Variants in MYO6 observed in about 807,000 individuals in gnomAD.
MYO6 encodes the protein unconventional myosin-VI.
A neutral mutation model predicts 178.7 loss-of-function variants in MYO6; 74 were observed. The observed-to-expected ratio is 0.41, with a 90% confidence interval of 0.34 to 0.50. The LOEUF is 0.50. MYO6 is among the 20% of genes least tolerant of loss of function. MYO6 has a pLI of 0.09. For synonymous variants in MYO6, 477 were observed against 504.6 expected (o/e 0.95, Z 0.73); for missense variants, 1,330 against 1,547.4 (o/e 0.86, Z 2.36).
At chr6:75,867,723 ACT>A (rs1487912299) in intron 18 of MYO6, among the ~76,000 whole-genome samples, 3 of 152,272 alleles carry the variant, frequency 2.0e-5, no homozygotes, top group African/African-American at 7.2e-5. Flanking sequence ...GGTGTGGCAA[ACT>A]CTTCAAACTG....
At chr6:75,757,063 CACAT>C (rs1179217160) in intron 1 of MYO6, among the ~76,000 whole-genome samples, 4 of 141,322 alleles carry the variant, frequency 2.8e-5, no homozygotes, top group East Asian at 2.1e-4. Flanking sequence ...TATGTATACA[CACAT>C]ATATAGTGTG....
At chr6:75,798,182 G>A (rs1448255528) in intron 1 of MYO6, among the ~76,000 whole-genome samples, 1 of 152,154 alleles carries the variant, frequency 6.6e-6, no homozygotes, top group Non-Finnish European at 1.5e-5. Context: ...TAGGGGTCCA[G>A]TTTCATTCTT....
intron 1 of MYO6, among the ~76,000 whole-genome samples, chr6:75,783,374 G>A (rs953458707): frequency 1.3e-5 from 2 of 152,088 alleles, no homozygotes; most frequent in Admixed American, 6.6e-5. Context: ...TCACTGAACC[G>A]GTAACCCAAC....
chr6:75,860,873 A>G lies in MYO6; in HGVS notation c.1474-150A>G, dbSNP rs543307093. ...AGTGCCTGTCTGCAAGTGTTCAAAA[A>G]TCTGTTATGTTTTTGGAAAACCATT... On this transcript the variant is annotated intron_variant, in intron 14 of 34. Coordinates refer to ENST00000369977, the MANE Select transcript of MYO6 (RefSeq NM_004999.4). 8.5e-5 allele frequency: 56 copies of G among 658,354 alleles called. 2 individuals carry two copies. The South Asian group carries it at 9.6e-4, about 11-fold the overall frequency. 40.8% of individuals were successfully genotyped at this position (658,354 alleles called of 1,614,324 possible).
chr6:75,868,529 T>G (rs990686590), intron 18 of MYO6, among the ~76,000 whole-genome samples: 1 of 152,116 alleles, frequency 6.6e-6, no homozygotes, highest in African/African-American at 2.4e-5. Context: ...ATGTTGAGCC[T>G]TGAAACTTCT....
chr6:75,910,719 T>C (rs1404372159), intron 32 of MYO6, among the ~76,000 whole-genome samples: 1 of 152,142 alleles, frequency 6.6e-6, no homozygotes, highest in African/African-American at 2.4e-5. Context: ...TTTCTCTTTA[T>C]GTTCTTCCTC....
chr6:75,820,155 A>G (rs940904267), intron 2 of MYO6, among the ~76,000 whole-genome samples: 22 of 152,332 alleles, frequency 1.4e-4, no homozygotes, highest in Middle Eastern at 3.4e-3. Flanking sequence ...AATTTATGGC[A>G]TAGAAGGGTC....
intron 9 of MYO6, 28 bp downstream of exon 9, chr6:75,841,406 T>C (rs1774212417): frequency 1.3e-5 from 21 of 1,605,298 alleles, no homozygotes; most frequent in African/African-American, 2.7e-5. Flanking sequence ...AAATTTCATA[T>C]AGCCAGGTGC....
At chr6:75,873,361 G>T (rs1367268885) in intron 20 of MYO6, 61 bp downstream of exon 20, 9 of 1,227,810 alleles carry the variant, frequency 7.3e-6, no homozygotes, top group Admixed American at 1.7e-5. Flanking sequence ...AATTTAATAG[G>T]TTCAGTATTT....
chr6:75,916,620 G>A lies in MYO6; in HGVS notation c.*1608G>A, dbSNP rs1408742662. On this transcript the variant is annotated 3_prime_UTR_variant, in exon 35 of 35. Coordinates refer to ENST00000369977, the MANE Select transcript of MYO6 (RefSeq NM_004999.4). ...ACCTATTCTCTCTCTTCCATCTCTC[G>A]CCTTTAACTGGTGTTTTTATTTGTG... The A allele has an allele frequency of 1.3e-5, 2 of 152,484 alleles. No homozygotes were observed. The highest frequency in any genetic ancestry group is 6.6e-5 in the Admixed American group (1 of 15,262). The allele number at this position is 152,484 out of a possible 1,614,324, so 9.4% of individuals were successfully genotyped here.
intron 2 of MYO6, 66 bp downstream of exon 2, chr6:75,817,730 G>A: frequency 7.4e-7 from 1 of 1,358,632 alleles, no homozygotes; most frequent in Non-Finnish European, 1.1e-6. Flanking sequence ...TTTCACAAGA[G>A]TAAGGTCTGT....
At chr6:75,786,934 C>T (rs997296295) in intron 1 of MYO6, among the ~76,000 whole-genome samples, 8 of 152,164 alleles carry the variant, frequency 5.3e-5, no homozygotes, top group Non-Finnish European at 8.8e-5. Context: ...AGACTGTTTT[C>T]GGAGTTCACA....
chr6:75,904,252 T>C (rs1233595591), intron 30 of MYO6, among the ~76,000 whole-genome samples: 33 of 150,300 alleles, frequency 2.2e-4, no homozygotes, highest in Non-Finnish European at 4.0e-4. Context: ...TTCTCTGTAT[T>C]TCCTGAATCT....
Position 75,916,217 on chromosome 6 carries a change from A to G in MYO6, c.*1205A>G, listed in dbSNP as rs1781109739. 6.6e-6 allele frequency: 1 copy of G among 152,180 alleles called. No individual in the cohort carries two copies. The highest frequency in any genetic ancestry group is 6.5e-5 in the Admixed American group (1 of 15,278). 9.4% of individuals were successfully genotyped at this position (152,180 alleles called of 1,614,324 possible). A position where few individuals can be genotyped will look rare whatever the true frequency, so the allele number is the denominator to read the frequency against. On this transcript the variant is annotated 3_prime_UTR_variant, in exon 35 of 35. Transcript: ENST00000369977. ...GGAGTTTTGTTGTATTTTAGAATAAAATTATAAAGTAAAATGATTCTCTGT... is the reference window on the plus strand; with the variant it reads ...GGAGTTTTGTTGTATTTTAGAATAAGATTATAAAGTAAAATGATTCTCTGT...
chr6:75,876,786 T>A (rs185642800), intron 20 of MYO6, among the ~76,000 whole-genome samples: 24 of 152,226 alleles, frequency 1.6e-4, no homozygotes, highest in Admixed American at 1.3e-3. Context: ...ATAGTAATAA[T>A]GATAATGATA....
At chr6:75,902,891 C>T (rs980397757) in intron 30 of MYO6, among the ~76,000 whole-genome samples, 7 of 151,802 alleles carry the variant, frequency 4.6e-5, no homozygotes, top group East Asian at 3.9e-4. Context: ...CTACACACTG[C>T]GTTGAATGCG....
intron 24 of MYO6, 141 bp downstream of exon 24, chr6:75,886,235 T>G (rs1778424280): frequency 3.1e-6 from 2 of 635,338 alleles, no homozygotes; most frequent in Non-Finnish European, 5.6e-6. Flanking sequence ...GTCTTTTATT[T>G]GTAATATTTA....
intron 3 of MYO6, among the ~76,000 whole-genome samples, chr6:75,824,646 T>C (rs1772253832): frequency 6.6e-6 from 1 of 152,172 alleles, no homozygotes; most frequent in Non-Finnish European, 1.5e-5. Context: ...GATTAAATGA[T>C]TGATGCCTGT....
In MYO6 at chr6:75,879,602, T is replaced by A. The variant is rs934051963; in HGVS notation, c.2078-218T>A. On this transcript the variant is annotated intron_variant, in intron 20 of 34. Coordinates refer to ENST00000369977, the MANE Select transcript of MYO6 (RefSeq NM_004999.4). The stretch of plus-strand genomic sequence containing the variant: ...CCAATAATTTGCCTCTAGAAAAGAG[T>A]CTTATTGGGTTTACAGGAAATTTGA... 9.2e-5 allele frequency among the ~76,000 whole-genome samples: 14 copies of A among 152,030 alleles called. 1 individual carries two copies. The highest frequency in any genetic ancestry group is 1.3e-4 in the Non-Finnish European group (9 of 67,986).
Sources: allele counts gnomAD v4.1 joint callset (sites outside exome capture counted in the v4.1 genomes callset), GRCh38; gene constraint gnomAD v4.1.1; transcripts MANE v1.5; gene names NCBI Gene and HGNC (gene_info 2026-07-23, HGNC 2026-07-21).